Variants in MACROD2 observed in about 807,000 individuals in gnomAD.
MACROD2 encodes the protein ADP-ribose glycohydrolase MACROD2.
In MACROD2, 36 loss-of-function variants were observed where a neutral mutation model predicts 70.4. The ratio of observed to expected loss-of-function variants is 0.51; its 90% CI spans 0.39 to 0.68. The LOEUF (loss-of-function observed/expected upper bound fraction) is 0.68, where lower values mean the gene tolerates loss of function less well. Ranked by LOEUF, MACROD2 falls within the 30% of genes least tolerant of loss-of-function variation. The pLI is 0.00. For synonymous variants in MACROD2, 172 were observed against 178.8 expected (o/e 0.96, Z 0.30); for missense variants, 496 against 538.4 (o/e 0.92, Z 0.78).
Position 15,398,884 on chromosome 20 carries a change from G to A in MACROD2, c.541-32521G>A, listed in dbSNP as rs140074975. The stretch of plus-strand genomic sequence containing the variant: ...ACCCAGGTTGTGCAGTGGTGTAATC[G>A]TACCTCACTGAAGCCTCAAATTCCT... On this transcript the variant is annotated intron_variant, in intron 6 of 17. Coordinates refer to ENST00000684519, the MANE Select transcript of MACROD2 (RefSeq NM_001351661.2). 2.4e-3 allele frequency among the ~76,000 whole-genome samples: 367 copies of A among 152,162 alleles called. 1 individual carries two copies. The highest frequency in any genetic ancestry group is 3.8e-3 in the Non-Finnish European group (261 of 68,006).
intron 3 of MACROD2, among the ~76,000 whole-genome samples, chr20:14,259,760 T>C (rs1471104843): frequency 6.6e-6 from 1 of 152,210 alleles, no homozygotes; most frequent in African/African-American, 2.4e-5. Flanking sequence ...GAGTATACTA[T>C]GGAATCACAT....
intron 3 of MACROD2, among the ~76,000 whole-genome samples, chr20:14,271,141 G>A (rs1216852320): frequency 1.3e-5 from 2 of 152,268 alleles, no homozygotes; most frequent in African/African-American, 4.8e-5. Flanking sequence ...AGAGAGCAGT[G>A]ATTCTCCCAG....
intron 11 of MACROD2, among the ~76,000 whole-genome samples, chr20:15,934,370 A>T (rs1175564452): frequency 6.6e-6 from 1 of 152,206 alleles, no homozygotes; most frequent in African/African-American, 2.4e-5. Flanking sequence ...AATCAGAGAA[A>T]GCACTGAAGC....
chr20:15,067,084 C>T (rs1047915170), intron 5 of MACROD2, among the ~76,000 whole-genome samples: 6 of 152,042 alleles, frequency 3.9e-5, no homozygotes, highest in African/African-American at 1.4e-4. Flanking sequence ...CCTATTTTAT[C>T]TTCTAAGAGT....
chr20:15,083,488 CT>C (rs1344271899), intron 5 of MACROD2, among the ~76,000 whole-genome samples: 1 of 152,178 alleles, frequency 6.6e-6, no homozygotes. Context: ...CAACTTGCCC[CT>C]GGCAAGTCTG....
At chr20:14,133,063 G>T (rs2054740117) in intron 3 of MACROD2, among the ~76,000 whole-genome samples, 1 of 152,168 alleles carries the variant, frequency 6.6e-6, no homozygotes, top group Non-Finnish European at 1.5e-5. Context: ...AGGCTGACTA[G>T]TTACAAGATC....
intron 8 of MACROD2, among the ~76,000 whole-genome samples, chr20:15,626,034 G>C (rs1045741205): frequency 2.6e-5 from 4 of 152,022 alleles, no homozygotes; most frequent in African/African-American, 9.7e-5. Context: ...CCTTAGTCCA[G>C]TGAGTGAGGC....
At position 15,192,900 on chromosome 20, in the gene MACROD2, A is replaced by G. The variant is rs1051662430; in HGVS notation, c.419-37040A>G. Among the ~76,000 whole-genome samples, 8 of 152,204 alleles carry G rather than the reference A, an allele frequency of 5.3e-5. No homozygotes were observed. In the East Asian group the frequency reaches 1.3e-3, roughly 26 times the overall value. On this transcript the variant is annotated intron_variant, in intron 5 of 17. Coordinates refer to ENST00000684519, the MANE Select transcript of MACROD2 (RefSeq NM_001351661.2). The stretch of plus-strand genomic sequence containing the variant: ...ATTTTTATAGTTTGCAATGTTCCTA[A>G]CAAACTGATCTCTAACTCCGCAGTG...
chr20:14,840,938 T>C (rs1600715605), intron 5 of MACROD2, among the ~76,000 whole-genome samples: 1 of 152,076 alleles, frequency 6.6e-6, no homozygotes, highest in Non-Finnish European at 1.5e-5. Flanking sequence ...CATCAGATGT[T>C]CCATAATAAT....
chr20:14,614,591 TC>T (rs748104911), intron 4 of MACROD2, among the ~76,000 whole-genome samples: 5 of 152,122 alleles, frequency 3.3e-5, no homozygotes, highest in Non-Finnish European at 5.9e-5. Context: ...TATACATCCT[TC>T]CTAGTGCAGC....
intron 8 of MACROD2, among the ~76,000 whole-genome samples, chr20:15,813,251 A>ATCTGAAAT (rs1414953996): frequency 6.6e-6 from 1 of 152,206 alleles, no homozygotes; most frequent in Non-Finnish European, 1.5e-5. Flanking sequence ...CCATGACTTC[A>ATCTGAAAT]TCTGAAATTC....
chr20:14,712,104 A>C (rs1418677783), intron 5 of MACROD2, among the ~76,000 whole-genome samples: 1 of 152,144 alleles, frequency 6.6e-6, no homozygotes, highest in East Asian at 1.9e-4. Context: ...ATTTTGCAAA[A>C]ATTTTGAGGG....
intron 7 of MACROD2, among the ~76,000 whole-genome samples, chr20:15,453,631 C>T (rs770687505): frequency 2.0e-5 from 3 of 152,034 alleles, no homozygotes; most frequent in African/African-American, 7.2e-5. Context: ...AATGAGAAAT[C>T]GAAGACCCTG....
At chr20:14,032,837 C>A (rs2148632965) in intron 2 of MACROD2, among the ~76,000 whole-genome samples, 1 of 152,196 alleles carries the variant, frequency 6.6e-6, no homozygotes, top group Admixed American at 6.5e-5. Context: ...TGGTACACCT[C>A]AAGAGATTAT....
At chr20:14,191,409 G>A (rs962126572) in intron 3 of MACROD2, among the ~76,000 whole-genome samples, 1 of 152,084 alleles carries the variant, frequency 6.6e-6, no homozygotes, top group African/African-American at 2.4e-5. Flanking sequence ...TCTCAGGATC[G>A]TTTTTAATTT....
At chr20:14,158,957 C>T (rs1195783049) in intron 3 of MACROD2, among the ~76,000 whole-genome samples, 1 of 152,094 alleles carries the variant, frequency 6.6e-6, no homozygotes, top group African/African-American at 2.4e-5. Flanking sequence ...ATAACATTGG[C>T]CAGGCATGGT....
At chr20:14,626,761 AT>A (rs1984192262) in intron 4 of MACROD2, among the ~76,000 whole-genome samples, 1 of 152,158 alleles carries the variant, frequency 6.6e-6, no homozygotes, top group South Asian at 2.1e-4. Flanking sequence ...AAGGAAAAAA[AT>A]ATTTTTGGCA....
At chr20:15,500,568 C>T (rs1178225506) in intron 8 of MACROD2, among the ~76,000 whole-genome samples, 2 of 152,096 alleles carry the variant, frequency 1.3e-5, no homozygotes, top group African/African-American at 4.8e-5. Context: ...ATGCATTTTT[C>T]TTCTGATTTT....
At chr20:15,915,364 A>G (rs6043615) in intron 10 of MACROD2, among the ~76,000 whole-genome samples, 7,162 of 152,212 alleles carry the variant, frequency 0.047, 395 homozygotes, top group African/African-American at 0.14. Flanking sequence ...GAAACAAAAG[A>G]TGCTCTTATC....
Sources: gnomAD v4.1 joint callset for allele counts (sites outside exome capture counted in the v4.1 genomes callset) on GRCh38, gnomAD v4.1.1 for gene constraint, MANE v1.5 for transcripts, NCBI Gene and HGNC (gene_info 2026-07-23, HGNC 2026-07-21) for gene names.